Variants in RAB6A observed in about 807,000 individuals in gnomAD.
RAB6A encodes the protein RAB6A, member RAS oncogene family.
Under a neutral mutation model 32.3 loss-of-function variants are expected in RAB6A, and 8 were observed. The ratio of observed to expected loss-of-function variants is 0.25; its 90% CI spans 0.15 to 0.45. RAB6A has a LOEUF of 0.45. Ranked by LOEUF, RAB6A falls within the 20% of genes least tolerant of loss-of-function variation. The pLI is 1.00. For synonymous variants in RAB6A, 73 were observed against 82.1 expected, an observed-to-expected ratio of 0.89 and a Z score of 0.60; for missense variants, 104 against 249.4, an observed-to-expected ratio of 0.42 and a Z score of 3.93.
intron 1 of RAB6A, among the ~76,000 whole-genome samples, chr11:73,749,696 A>G (rs1239604867): frequency 6.6e-6 from 1 of 152,182 alleles, no homozygotes; most frequent in Non-Finnish European, 1.5e-5. Flanking sequence ...ATCTATCTCT[A>G]TGAAAAAACT....
At chr11:73,758,176 A>G (rs1290263808) in intron 1 of RAB6A, among the ~76,000 whole-genome samples, 1 of 152,210 alleles carries the variant, frequency 6.6e-6, no homozygotes, top group Non-Finnish European at 1.5e-5. Flanking sequence ...TGACCATGAA[A>G]ACAGAGATCA....
chr11:73,736,798 G>GAAAAAA (rs1217713529), intron 1 of RAB6A, among the ~76,000 whole-genome samples: 1 of 38,556 alleles, frequency 2.6e-5, no homozygotes. Flanking sequence ...TCTCGAGAAA[G>GAAAAAA]AAAAAAAAAA....
chr11:73,737,991 T>C (rs1185637664), intron 1 of RAB6A, among the ~76,000 whole-genome samples: 1 of 59,400 alleles, frequency 1.7e-5, no homozygotes, highest in African/African-American at 6.6e-5. Flanking sequence ...GGAGACTCCA[T>C]CTCAAAAAAA....
chr11:73,749,526 G>C (rs1946642567), intron 1 of RAB6A, among the ~76,000 whole-genome samples: 1 of 152,108 alleles, frequency 6.6e-6, no homozygotes, highest in Admixed American at 6.6e-5. Context: ...AAGTTGTACA[G>C]TATACAACTT....
chr11:73,679,597 A>C (rs974616414), intron 7 of RAB6A, 57 bp downstream of exon 7: 8 of 1,584,820 alleles, frequency 5.0e-6, no homozygotes, highest in Non-Finnish European at 6.9e-6. Context: ...CCAAGCAAGC[A>C]GGGCTCTAAA....
At chr11:73,721,819 AAT>A (rs774224850) in intron 2 of RAB6A, among the ~76,000 whole-genome samples, 1 of 152,190 alleles carries the variant, frequency 6.6e-6, no homozygotes, top group Non-Finnish European at 1.5e-5. Context: ...TGCATTTTAA[AAT>A]ATGAGTCACT....
chr11:73,723,951 GATTTTT>G (rs977903586), intron 2 of RAB6A, among the ~76,000 whole-genome samples: 5 of 152,056 alleles, frequency 3.3e-5, no homozygotes, highest in Non-Finnish European at 7.4e-5. Flanking sequence ...CAATATATAA[GATTTTT>G]TTTAGTTACA....
At chr11:73,725,982 G>C (rs1946212858) in intron 2 of RAB6A, among the ~76,000 whole-genome samples, 1 of 151,974 alleles carries the variant, frequency 6.6e-6, no homozygotes, top group Non-Finnish European at 1.5e-5. Flanking sequence ...GCAAGAACCT[G>C]TCTCTATTAA....
rs1945272186 is a variant in RAB6A at position 73,676,538 on chromosome 11, C to T, written c.*1360G>A. On this transcript the variant is annotated 3_prime_UTR_variant, in exon 8 of 8. Transcript: ENST00000336083. ...ACCAAAGAAAAAAGATTAATTGTAG[C>T]TTAAATATAAAACTAAATCACCAGT... The T allele has an allele frequency of 6.0e-6, 1 of 165,500 alleles. No homozygotes were observed. Among genetic ancestry groups the T allele is most frequent in the Non-Finnish European group, 1.5e-5 (1 of 67,826 alleles). 10.3% of individuals were successfully genotyped at this position (165,500 alleles called of 1,614,324 possible). A position where few individuals can be genotyped will look rare whatever the true frequency, so the allele number is the denominator to read the frequency against.
rs1383768464 is a variant in RAB6A, at chr11:73,677,455, G to C, written c.*443C>G. 2.2e-5 allele frequency: 5 copies of C among 230,568 alleles called. No homozygotes were observed. The South Asian group carries it at 7.1e-4, about 33-fold the overall frequency. 14.3% of individuals were successfully genotyped at this position (230,568 alleles called of 1,614,324 possible). ...TCTCTTGTTTGTTTTGAGGAAGTCG[G>C]GGGAGGCTAGGTAAGAATAGGGTAA... On this transcript the variant is annotated 3_prime_UTR_variant, in exon 8 of 8. Transcript: ENST00000336083.
At chr11:73,735,955 G>A (rs1190386689) in intron 1 of RAB6A, among the ~76,000 whole-genome samples, 4 of 143,134 alleles carry the variant, frequency 2.8e-5, no homozygotes, top group African/African-American at 7.6e-5. Flanking sequence ...GAGAGACAGA[G>A]AGAGATAAAT....
intron 1 of RAB6A, among the ~76,000 whole-genome samples, chr11:73,755,714 A>G (rs1269366432): frequency 6.6e-6 from 1 of 151,306 alleles, no homozygotes; most frequent in Non-Finnish European, 1.5e-5. Context: ...TGGCCATGAT[A>G]GCCCCTGTGA....
At chr11:73,741,847 T>A (rs548536727) in intron 1 of RAB6A, among the ~76,000 whole-genome samples, 1 of 152,342 alleles carries the variant, frequency 6.6e-6, no homozygotes, top group South Asian at 2.1e-4. Flanking sequence ...TTTTTTAAGA[T>A]TTAATTTTTT....
chr11:73,730,930 A>G, intron 1 of RAB6A, 107 bp from the exon 2 acceptor site: 1 of 755,448 alleles, frequency 1.3e-6, no homozygotes, highest in Non-Finnish European at 2.3e-6. Context: ...AATACCTGCA[A>G]TGGTTCTACT....
intron 6 of RAB6A, among the ~76,000 whole-genome samples, chr11:73,696,788 GACAC>G (rs1945662911): frequency 2.0e-5 from 3 of 150,288 alleles, no homozygotes; most frequent in Admixed American, 2.0e-4. Context: ...TTTTTTTGCA[GACAC>G]ACACTCTCCC....
intron 6 of RAB6A, among the ~76,000 whole-genome samples, chr11:73,703,234 G>A (rs1362929394): frequency 6.6e-6 from 1 of 152,036 alleles, no homozygotes; most frequent in Non-Finnish European, 1.5e-5. Context: ...CAAATGAAGG[G>A]CAATTCTCCA....
At chr11:73,703,810 CTG>C (rs1945787338) in intron 6 of RAB6A, among the ~76,000 whole-genome samples, 1 of 151,958 alleles carries the variant, frequency 6.6e-6, no homozygotes. Flanking sequence ...TGGCTCACGC[CTG>C]TATACCCAGC....
At chr11:73,745,402 A>G (rs1206906008) in intron 1 of RAB6A, among the ~76,000 whole-genome samples, 4 of 152,192 alleles carry the variant, frequency 2.6e-5, no homozygotes, top group African/African-American at 9.6e-5. Flanking sequence ...GCATTCTTAG[A>G]AAAATGAAAG....
Position 73,757,114 on chromosome 11 carries a change from T to C in RAB6A, c.70+3452A>G, listed in dbSNP as rs1946764633. Among the ~76,000 whole-genome samples, 3 of 44,524 alleles carry C rather than the reference T, an allele frequency of 6.7e-5. 1 individual carries two copies. Among genetic ancestry groups the C allele is most frequent in the African/African-American group, 2.1e-4 (2 of 9,672 alleles). The allele number at this position is 44,524 out of a possible 152,430, so 29.2% of individuals were successfully genotyped here. ...ATATACATACATATATATATATATA[T>C]ATATATATATATATATTTTTTTTTT... On this transcript the variant is annotated intron_variant, in intron 1 of 7. Coordinates refer to ENST00000336083, the MANE Select transcript of RAB6A (RefSeq NM_198896.2).
Sources: gnomAD v4.1 joint callset for allele counts (sites outside exome capture counted in the v4.1 genomes callset) on GRCh38, gnomAD v4.1.1 for gene constraint, MANE v1.5 for transcripts, NCBI Gene and HGNC (gene_info 2026-07-23, HGNC 2026-07-21) for gene names.